The following PATL1 variants were observed in gnomAD, a reference collection of about 807,000 sequenced individuals.
The protein encoded by PATL1 is PAT1 homolog 1, processing body mRNA decay factor.
A neutral mutation model predicts 100.6 loss-of-function variants in PATL1; 32 were observed. The observed-to-expected ratio is 0.32, with a 90% confidence interval of 0.24 to 0.43. PATL1 has a LOEUF of 0.43. PATL1 is among the 20% of genes least tolerant of loss of function. The pLI, the probability that PATL1 is intolerant of heterozygous loss-of-function variation, is 1.00. For synonymous variants in PATL1, 332 were observed against 330.0 expected (o/e 1.01, Z -0.07); for missense variants, 747 against 949.9 (o/e 0.79, Z 2.81).
intron 14 of PATL1, 33 bp from the exon 15 acceptor site, chr11:59,647,946 CAAGAACAATT>C (rs767406264): frequency 6.4e-7 from 1 of 1,564,164 alleles, no homozygotes; most frequent in Non-Finnish European, 8.7e-7. Context: ...CTTAGGTCAG[CAAGAACAATT>C]AAGAAACCCT....
intron 1 of PATL1, 173 bp from the exon 2 acceptor site, chr11:59,667,137 T>C: frequency 3.2e-6 from 3 of 931,970 alleles, no homozygotes; most frequent in Non-Finnish European, 3.8e-6. Flanking sequence ...GAAGATTTCA[T>C]CATCTTTCTT....
At chr11:59,640,954 G>A (rs12295294) in intron 16 of PATL1, among the ~76,000 whole-genome samples, 3,071 of 151,926 alleles carry the variant, frequency 0.02, 96 homozygotes, top group African/African-American at 0.07. Flanking sequence ...GGTGGATCAC[G>A]TGAGGTCAGG....
chr11:59,661,223 C>T (rs1185453233), intron 2 of PATL1, among the ~76,000 whole-genome samples: 2 of 152,138 alleles, frequency 1.3e-5, no homozygotes, highest in African/African-American at 4.8e-5. Context: ...GTAACTGGAA[C>T]TACAGGTTTG....
chr11:59,660,155 G>A (rs1861608265), intron 2 of PATL1, among the ~76,000 whole-genome samples: 1 of 152,170 alleles, frequency 6.6e-6, no homozygotes, highest in East Asian at 1.9e-4. Flanking sequence ...AAAACTCATA[G>A]CATTAGCATA....
chr11:59,665,046 C>G (rs527237590), intron 2 of PATL1, among the ~76,000 whole-genome samples: 16 of 152,326 alleles, frequency 1.1e-4, no homozygotes, highest in African/African-American at 2.9e-4. Flanking sequence ...CTAACCCATG[C>G]CTATAATCCA....
intron 1 of PATL1, 143 bp downstream of exon 1, chr11:59,668,738 A>C: frequency 6.8e-6 from 3 of 443,760 alleles, no homozygotes; most frequent in Non-Finnish European, 1.3e-5. Context: ...CCGCGACCCC[A>C]GACCAGTCGC....
chr11:59,643,989 C>G (rs1357137173), intron 15 of PATL1, among the ~76,000 whole-genome samples: 1 of 152,130 alleles, frequency 6.6e-6, no homozygotes, highest in Non-Finnish European at 1.5e-5. Context: ...AAGAGTGCTT[C>G]CAGACAATCA....
Position 59,654,059 on chromosome 11 carries a change from T to C in PATL1, c.1045A>G (p.Met349Val), listed in dbSNP as rs189267978. The change falls in exon 9 of 19, where the codon ATG becomes GTG. Residue 349 changes from methionine to valine, a missense_variant. This residue lies in a region of PATL1 where 434 missense variants were observed against 596.1 expected (regional missense o/e 0.73). Transcript: ENST00000300146. ...AGGTGAGTTGTGTCCGGTCTAAACA[T>C]TGGGGCCTGAGATCTAAGAAAAACG... Reference protein sequence around the residue: ...HLQNLRSQAPMFRPDTTHLHP... With the variant: ...HLQNLRSQAPVFRPDTTHLHP... The C allele has an allele frequency of 4.5e-4, 728 of 1,613,662 alleles. 4 individuals carry two copies. In the African/African-American group the frequency reaches 6.2e-3, roughly 14 times the overall value.
At position 59,650,771 on chromosome 11, in the gene PATL1, G is replaced by A; in HGVS notation, c.1567C>T (p.Leu523Phe). 1 of 1,556,074 alleles carries A rather than the reference G, an allele frequency of 6.4e-7. No individual in the cohort carries two copies. Among genetic ancestry groups the A allele is most frequent in the African/African-American group, 1.4e-5 (1 of 73,894 alleles). Residue 523 changes from leucine to phenylalanine, a missense_variant, in exon 13 of 19, where the codon CTT (leucine) becomes TTT (phenylalanine). Physicochemically the swap from Leu to Phe is conservative, Grantham distance 22. Transcript: ENST00000300146. The stretch of plus-strand genomic sequence containing the variant: ...AAACTTACTTTCTCAATTATAACAA[G>A]GGTTTTTCTCCTCTTGTCTCGAACT... Reference protein sequence around the residue: ...KQVRDKRRKTLVIIEKTYSLL... With the variant: ...KQVRDKRRKTFVIIEKTYSLL...
chr11:59,638,007 C>A lies in PATL1; in HGVS notation c.*383G>T, dbSNP rs1233513981. ...ATATTAATATGGGGCAATGAAAAAA[C>A]AACTTCAATAGGATGAGGGAAGGAA... is the stretch of plus-strand genomic sequence containing the variant. On this transcript the variant is annotated 3_prime_UTR_variant, in exon 19 of 19. Coordinates refer to ENST00000300146, the MANE Select transcript of PATL1 (RefSeq NM_152716.3). 4.2e-6 allele frequency: 1 copy of A among 236,222 alleles called. No homozygotes were observed. Among genetic ancestry groups the A allele is most frequent in the Admixed American group, 5.0e-5 (1 of 20,142 alleles). The allele number at this position is 236,222 out of a possible 1,614,324, so 14.6% of individuals were successfully genotyped here.
intron 2 of PATL1, among the ~76,000 whole-genome samples, chr11:59,664,114 T>C (rs1861658855): frequency 6.6e-6 from 1 of 152,220 alleles, no homozygotes; most frequent in Admixed American, 6.5e-5. Context: ...AATCACCCTT[T>C]GGCCCTAAGG....
chr11:59,655,433 T>G, intron 8 of PATL1, 90 bp downstream of exon 8: 1 of 1,170,644 alleles, frequency 8.5e-7, no homozygotes, highest in Non-Finnish European at 1.2e-6. Context: ...AATTTATAGT[T>G]AGCAAATATC....
At chr11:59,650,572 G>A (rs999982613) in intron 13 of PATL1, among the ~76,000 whole-genome samples, 182 bp downstream of exon 13, 7 of 152,158 alleles carry the variant, frequency 4.6e-5, no homozygotes, top group African/African-American at 1.7e-4. Flanking sequence ...GATGCCAATA[G>A]GTGAAACATA....
intron 4 of PATL1, among the ~76,000 whole-genome samples, chr11:59,657,955 G>A (rs925841928): frequency 6.6e-6 from 1 of 152,080 alleles, no homozygotes; most frequent in Non-Finnish European, 1.5e-5. Context: ...CTTGAAGCCA[G>A]GAGTTTGAGA....
intron 1 of PATL1, among the ~76,000 whole-genome samples, chr11:59,668,544 A>G (rs1861725474): frequency 6.6e-6 from 1 of 151,754 alleles, no homozygotes; most frequent in Admixed American, 6.6e-5. Flanking sequence ...CTACTTAAGA[A>G]AAGCACCCGG....
At chr11:59,666,130 C>A (rs747724372) in intron 2 of PATL1, among the ~76,000 whole-genome samples, 13 of 152,206 alleles carry the variant, frequency 8.5e-5, no homozygotes, top group Admixed American at 1.3e-4. Flanking sequence ...CCTGTAATCC[C>A]GGCTACTCGG....
Position 59,655,733 on chromosome 11 carries a change from G to A in PATL1, c.821C>T (p.Pro274Leu), listed in dbSNP as rs1478687942. The change falls in exon 8 of 19, where the codon CCT (proline) becomes CTT (leucine). Residue 274 changes from proline (P) to leucine (L), a missense_variant. Pro to Leu is a moderately conservative substitution (Grantham distance 98, BLOSUM62 -3). Transcript: ENST00000300146. ...AQLLGGAQLQPGRMSPSQFAR... is the reference protein window; with the variant it reads ...AQLLGGAQLQLGRMSPSQFAR... Reference sequence around the variant, plus strand: ...AAACTGGCTGGGAGACATCCGTCCAGGCTGTAGCTACAAAGAGGAAGAAGA... The same window carrying A: ...AAACTGGCTGGGAGACATCCGTCCAAGCTGTAGCTACAAAGAGGAAGAAGA... 1.3e-6 allele frequency: 2 copies of A among 1,590,034 alleles called. No individual in the cohort carries two copies. The highest frequency in any genetic ancestry group is 8.6e-7 in the Non-Finnish European group (1 of 1,168,008).
At chr11:59,652,084 A>AAAAAAAAAAAAAAAAAAAAAAC (rs1861455247) in intron 11 of PATL1, among the ~76,000 whole-genome samples, 2 of 148,542 alleles carry the variant, frequency 1.3e-5, no homozygotes, top group African/African-American at 2.5e-5. Context: ...AAAAAAAAAA[A>AAAAAAAAAAAAAAAAAAAAAAC]AAAAAAAAGA....
At chr11:59,666,783 A>C in intron 2 of PATL1, 70 bp downstream of exon 2, 1 of 1,453,342 alleles carries the variant, frequency 6.9e-7, no homozygotes, top group Non-Finnish European at 9.2e-7. Flanking sequence ...AAGATAAAGC[A>C]CTTCTAAAAG....
Sources: allele counts gnomAD v4.1 joint callset (sites outside exome capture counted in the v4.1 genomes callset), GRCh38; gene constraint gnomAD v4.1.1; regional missense constraint gnomAD v4.1.1; transcripts MANE v1.5; gene names NCBI Gene and HGNC (gene_info 2026-07-23, HGNC 2026-07-21).